The following GMDS variants were observed in gnomAD, a reference collection of about 807,000 sequenced individuals.
GMDS encodes the protein GDP-mannose 4,6 dehydratase.
In GMDS, 20 loss-of-function variants were observed where a neutral mutation model predicts 49.9. The ratio of observed to expected loss-of-function variants is 0.40; its 90% CI spans 0.28 to 0.58. The LOEUF (loss-of-function observed/expected upper bound fraction) is 0.58, where lower values mean the gene tolerates loss of function less well. Among genes scored for constraint, GMDS ranks in the 20% least tolerant of loss-of-function variants. The probability of loss-of-function intolerance (pLI) is 0.42; values close to 1 mark genes in which losing one functional copy is unlikely to be tolerated. For synonymous variants in GMDS, 177 were observed against 178.6 expected (o/e 0.99, Z 0.07); for missense variants, 362 against 481.4 (o/e 0.75, Z 2.32).
At chr6:1,957,885 C>CTCGA (rs1763728932) in intron 6 of GMDS, among the ~76,000 whole-genome samples, 1 of 152,148 alleles carries the variant, frequency 6.6e-6, no homozygotes, top group Non-Finnish European at 1.5e-5. Context: ...CCACTGCAGC[C>CTCGA]TCGAACTCCT....
intron 1 of GMDS, among the ~76,000 whole-genome samples, chr6:2,166,928 C>A (rs955971874): frequency 6.6e-6 from 1 of 152,230 alleles, no homozygotes. Flanking sequence ...TAATCCCAGG[C>A]AGCTGAAATA....
At chr6:1,636,207 C>T (rs1027596189) in intron 9 of GMDS, among the ~76,000 whole-genome samples, 4 of 152,162 alleles carry the variant, frequency 2.6e-5, no homozygotes, top group African/African-American at 9.7e-5. Context: ...ACATGCTCTC[C>T]AAATAAACAC....
intron 9 of GMDS, among the ~76,000 whole-genome samples, chr6:1,661,265 A>G (rs750550847): frequency 1.8e-4 from 28 of 152,186 alleles, no homozygotes; most frequent in Admixed American, 9.8e-4. Context: ...TGGATTGCAC[A>G]GCAGGTGCTA....
intron 9 of GMDS, among the ~76,000 whole-genome samples, chr6:1,646,592 C>A (rs765279565): frequency 1.3e-5 from 2 of 151,974 alleles, no homozygotes; most frequent in Non-Finnish European, 2.9e-5. Flanking sequence ...CCATGTTGCC[C>A]GGGCTGGTCT....
In GMDS at chr6:1,892,979, A is replaced by G. The variant is rs369145281; in HGVS notation, c.771+37124T>C. Among the ~76,000 whole-genome samples, 195 of 152,180 alleles carry G rather than the reference A, an allele frequency of 1.3e-3. 2 individuals are homozygous for G. The highest frequency in any genetic ancestry group is 4.4e-3 in the African/African-American group (184 of 41,520). On this transcript the variant is annotated intron_variant, in intron 7 of 10. Transcript: ENST00000380815. The stretch of plus-strand genomic sequence containing the variant: ...AGAGTTCCACACTAGCTCCTTGTTT[A>G]TATCAGTCCCGTAATTAAGCCAGGG...
At chr6:1,743,405 T>A (rs546101923) in intron 7 of GMDS, among the ~76,000 whole-genome samples, 1 of 150,292 alleles carries the variant, frequency 6.7e-6, no homozygotes, top group African/African-American at 2.4e-5. Flanking sequence ...TAGCCGGGCG[T>A]GGTGGGGGGC....
chr6:1,662,855 T>C (rs1443547226), intron 9 of GMDS, among the ~76,000 whole-genome samples: 1 of 152,140 alleles, frequency 6.6e-6, no homozygotes, highest in African/African-American at 2.4e-5. Flanking sequence ...GAATGCTACT[T>C]TGGGGATGAA....
At chr6:1,889,214 C>T (rs754991050) in intron 7 of GMDS, among the ~76,000 whole-genome samples, 1 of 152,176 alleles carries the variant, frequency 6.6e-6, no homozygotes, top group African/African-American at 2.4e-5. Context: ...CTTCCACCTC[C>T]ACTGGATCTA....
At chr6:2,109,350 T>G (rs1020916095) in intron 4 of GMDS, among the ~76,000 whole-genome samples, 3 of 152,130 alleles carry the variant, frequency 2.0e-5, no homozygotes, top group Non-Finnish European at 2.9e-5. Context: ...ACGGAGAAGC[T>G]GATGCTTAAG....
chr6:2,177,558 T>C (rs1210062515), intron 1 of GMDS, among the ~76,000 whole-genome samples: 3 of 152,186 alleles, frequency 2.0e-5, no homozygotes, highest in African/African-American at 7.2e-5. Context: ...TCAATATATA[T>C]GATTCACCAC....
At chr6:2,175,077 T>C (rs1039143382) in intron 1 of GMDS, among the ~76,000 whole-genome samples, 14 of 152,136 alleles carry the variant, frequency 9.2e-5, no homozygotes, top group African/African-American at 3.1e-4. Flanking sequence ...GGGTAGCTAT[T>C]TGAAACACAG....
intron 7 of GMDS, among the ~76,000 whole-genome samples, chr6:1,822,283 C>G (rs1223880911): frequency 7.2e-5 from 11 of 152,144 alleles, no homozygotes; most frequent in Admixed American, 2.6e-4. Context: ...AAAACCATAG[C>G]TATATTTTAA....
At chr6:2,233,816 C>T (rs1420221362) in intron 1 of GMDS, among the ~76,000 whole-genome samples, 1 of 152,116 alleles carries the variant, frequency 6.6e-6, no homozygotes, top group African/African-American at 2.4e-5. Flanking sequence ...CAGAGGGAGA[C>T]TCCATCTCGA....
intron 4 of GMDS, among the ~76,000 whole-genome samples, chr6:1,982,526 T>C (rs1287692384): frequency 2.0e-5 from 3 of 152,244 alleles, no homozygotes; most frequent in South Asian, 2.1e-4. Flanking sequence ...ATAAGCAACT[T>C]TGGCCAAGTC....
intron 9 of GMDS, among the ~76,000 whole-genome samples, chr6:1,628,231 A>G (rs1203659861): frequency 6.6e-6 from 1 of 152,222 alleles, no homozygotes; most frequent in Admixed American, 6.5e-5. Flanking sequence ...TTCTGAGCCC[A>G]CAGTAGTTAA....
intron 7 of GMDS, among the ~76,000 whole-genome samples, chr6:1,743,360 G>T (rs972489611): frequency 4.7e-5 from 7 of 149,486 alleles, no homozygotes; most frequent in South Asian, 2.2e-4. Flanking sequence ...GAGACCACGG[G>T]GAAACCCCGT....
At chr6:1,933,041 TC>T (rs1762369350) in intron 6 of GMDS, among the ~76,000 whole-genome samples, 1 of 152,222 alleles carries the variant, frequency 6.6e-6, no homozygotes, top group African/African-American at 2.4e-5. Flanking sequence ...ACCAGTTTTC[TC>T]CTAGTACCCT....
chr6:2,029,985 A>G (rs1218889301), intron 4 of GMDS, among the ~76,000 whole-genome samples: 1 of 152,110 alleles, frequency 6.6e-6, no homozygotes, highest in Admixed American at 6.5e-5. Flanking sequence ...AAAAACAGAT[A>G]GCATGCATTA....
intron 9 of GMDS, among the ~76,000 whole-genome samples, chr6:1,710,891 T>C (rs980299606): frequency 1.6e-4 from 24 of 152,192 alleles, no homozygotes; most frequent in Admixed American, 3.9e-4. Context: ...AGGGGTTGAC[T>C]ACATATCGTC....
Sources: gnomAD v4.1 joint callset for allele counts (sites outside exome capture counted in the v4.1 genomes callset) on GRCh38, gnomAD v4.1.1 for gene constraint, MANE v1.5 for transcripts, NCBI Gene and HGNC (gene_info 2026-07-23, HGNC 2026-07-21) for gene names.